The following ZNF777 variants were observed in gnomAD, a reference collection of about 807,000 sequenced individuals.
ZNF777 encodes the protein zinc finger protein 777.
Under a neutral mutation model 72.1 loss-of-function variants are expected in ZNF777, and 7 were observed. That is an observed-to-expected ratio of 0.10 (90% CI 0.06 to 0.18). The LOEUF (loss-of-function observed/expected upper bound fraction) is 0.18, where lower values mean the gene tolerates loss of function less well. ZNF777 is among the 10% of genes least tolerant of loss of function. The pLI, the probability that ZNF777 is intolerant of heterozygous loss-of-function variation, is 1.00. For missense variants in ZNF777, 828 were observed against 1,128.6 expected, an observed-to-expected ratio of 0.73 and a Z score of 3.82; for synonymous variants, 545 against 483.5, an observed-to-expected ratio of 1.13 and a Z score of -1.67.
At chr7:149,443,805 C>T (rs1363767762) in intron 4 of ZNF777, among the ~76,000 whole-genome samples, 4 of 152,162 alleles carry the variant, frequency 2.6e-5, no homozygotes, top group Admixed American at 2.6e-4. Flanking sequence ...GTTGCCCAGG[C>T]TAATCTCAAA....
intron 5 of ZNF777, among the ~76,000 whole-genome samples, chr7:149,434,076 G>C (rs6963393): frequency 0.61 from 92,760 of 151,926 alleles, 28,751 homozygotes; most frequent in East Asian, 0.78. Flanking sequence ...ATTATAGGAC[G>C]AGTCAAGCAA....
chr7:149,458,502 G>GAAACAAAACAAAACA (rs59457062), intron 1 of ZNF777, among the ~76,000 whole-genome samples: 3,251 of 149,322 alleles, frequency 0.022, 46 homozygotes, highest in East Asian at 0.031. Context: ...CTGAAACAAT[G>GAAACAAAACAAAACA]AAACAAAACA....
Position 149,455,173 on chromosome 7 carries a change from T to C in ZNF777, c.846+4A>G, listed in dbSNP as rs923493224. On this transcript the variant is annotated splice_donor_region_variant and intron_variant, in intron 2 of 5. Transcript: ENST00000247930. The surrounding 1 kb of genome is among the most constrained non-coding windows in gnomAD (Gnocchi z 4.2). ...TTGGGAAGCCCCAGTTGGGATGTGC[T>C]TACCTTGGGAACTTCTCCATTGCTG... The C allele has an allele frequency of 6.2e-7, 1 of 1,608,860 alleles. No homozygotes were observed. Among genetic ancestry groups the C allele is most frequent in the Non-Finnish European group, 8.5e-7 (1 of 1,177,656 alleles).
intron 4 of ZNF777, among the ~76,000 whole-genome samples, chr7:149,438,118 A>G (rs989170712): frequency 5.3e-5 from 8 of 151,844 alleles, no homozygotes; most frequent in African/African-American, 1.9e-4. Context: ...TGACCTCGTG[A>G]TCCGCCCGCC....
intron 4 of ZNF777, among the ~76,000 whole-genome samples, chr7:149,438,991 C>A (rs776663500): frequency 2.6e-5 from 4 of 152,136 alleles, no homozygotes; most frequent in Non-Finnish European, 5.9e-5. Context: ...ATGTCTGTGT[C>A]CTATTCTCTA....
chr7:149,451,290 T>G (rs1450131551), intron 3 of ZNF777, among the ~76,000 whole-genome samples, 178 bp from the exon 4 acceptor site: 3 of 151,166 alleles, frequency 2.0e-5, no homozygotes, highest in East Asian at 1.9e-4. Flanking sequence ...GGGGTGTGGG[T>G]GTGTGTGTGT....
chr7:149,449,258 G>A (rs1799671641), intron 4 of ZNF777, among the ~76,000 whole-genome samples: 1 of 152,214 alleles, frequency 6.6e-6, no homozygotes, highest in Admixed American at 6.5e-5. Context: ...CCTGGAGATG[G>A]TGACTGGAAC....
chr7:149,456,140 G>T, intron 1 of ZNF777, 103 bp from the exon 2 acceptor site: 1 of 1,305,798 alleles, frequency 7.7e-7, no homozygotes, highest in Non-Finnish European at 1.0e-6. Context: ...CTTCCGTTTG[G>T]TAGCAATAAT....
intron 4 of ZNF777, among the ~76,000 whole-genome samples, chr7:149,442,523 G>A (rs1799538514): frequency 6.6e-6 from 1 of 151,618 alleles, no homozygotes; most frequent in Non-Finnish European, 1.5e-5. Flanking sequence ...AGGAGGCTGA[G>A]GCAGGAGAAT....
chr7:149,445,925 T>C (rs1323473385), intron 4 of ZNF777, among the ~76,000 whole-genome samples: 1 of 152,190 alleles, frequency 6.6e-6, no homozygotes, highest in Non-Finnish European at 1.5e-5. Context: ...TACTATTAAC[T>C]CTTGAGCCCC....
intron 3 of ZNF777, among the ~76,000 whole-genome samples, chr7:149,453,721 G>C (rs1037601612): frequency 6.6e-6 from 1 of 152,198 alleles, no homozygotes; most frequent in Non-Finnish European, 1.5e-5. Context: ...AAATGTGGCT[G>C]GTACACAGGA....
chr7:149,444,141 G>A (rs1799568586), intron 4 of ZNF777, among the ~76,000 whole-genome samples: 1 of 152,116 alleles, frequency 6.6e-6, no homozygotes, highest in African/African-American at 2.4e-5. Flanking sequence ...ATTTTAGTTG[G>A]ATCAATACTG....
chr7:149,446,263 C>T (rs1278236437), intron 4 of ZNF777, among the ~76,000 whole-genome samples: 1 of 152,138 alleles, frequency 6.6e-6, no homozygotes, highest in South Asian at 2.1e-4. Context: ...GAAATCCCAG[C>T]TACTGGGGAG....
At chr7:149,434,952 A>C (rs1799386730) in intron 5 of ZNF777, among the ~76,000 whole-genome samples, 1 of 152,198 alleles carries the variant, frequency 6.6e-6, no homozygotes, top group Non-Finnish European at 1.5e-5. Flanking sequence ...TCAAGACTCA[A>C]AACTCCACAA....
chr7:149,431,803 G>A lies in ZNF777; in HGVS notation c.2469C>T (p.Tyr823=), dbSNP rs1411134355. 1 of 1,599,856 alleles carries A rather than the reference G, an allele frequency of 6.3e-7. No homozygotes were observed. The highest frequency in any genetic ancestry group is 1.3e-5 in the African/African-American group (1 of 74,928). ...ACTCGCCCGTGTGGGTCCGCAGGTG[G>A]TACTTGAGCGACTGCTTGTAGCGGA... The part of the protein sequence containing the change: ...KCFRYKQSLK[Y]HLRTHTGE Residue 823 remains tyrosine (Y), a synonymous_variant, in exon 6 of 6, where the codon TAC becomes TAT. Transcript: ENST00000247930.
At chr7:149,447,633 G>A (rs1019444904) in intron 4 of ZNF777, among the ~76,000 whole-genome samples, 1 of 152,162 alleles carries the variant, frequency 6.6e-6, no homozygotes, top group Non-Finnish European at 1.5e-5. Context: ...CCTGGAAGAC[G>A]GAAAGAACCT....
chr7:149,451,172 A>AG, intron 3 of ZNF777, 60 bp from the exon 4 acceptor site: 1 of 1,464,658 alleles, frequency 6.8e-7, no homozygotes. Flanking sequence ...GATGTTGTTA[A>AG]GGTATCATCT....
chr7:149,446,438 C>T (rs568468160), intron 4 of ZNF777, among the ~76,000 whole-genome samples: 1 of 152,168 alleles, frequency 6.6e-6, no homozygotes, highest in Non-Finnish European at 1.5e-5. Flanking sequence ...CCCTGCTCAA[C>T]TCAATCTTTC....
intron 4 of ZNF777, among the ~76,000 whole-genome samples, chr7:149,445,182 T>A (rs185337295): frequency 3.3e-5 from 5 of 152,340 alleles, no homozygotes; most frequent in Non-Finnish European, 1.5e-5. Flanking sequence ...AAGAGTTCCT[T>A]TCTATTCCTT....
Sources: allele counts gnomAD v4.1 joint callset (sites outside exome capture counted in the v4.1 genomes callset), GRCh38; gene constraint gnomAD v4.1.1; non-coding constraint Gnocchi (gnomAD v3.1); transcripts MANE v1.5; gene names NCBI Gene and HGNC (gene_info 2026-07-23, HGNC 2026-07-21).